ASCC3: variants seen among roughly 807,000 people sequenced by gnomAD.
ASCC3 encodes ASC-1 complex subunit P200.
A neutral mutation model predicts 256.3 loss-of-function variants in ASCC3; 158 were observed. The observed-to-expected ratio is 0.62, with a 90% confidence interval of 0.54 to 0.70. The LOEUF (loss-of-function observed/expected upper bound fraction) is 0.70. Among genes scored for constraint, ASCC3 ranks in the 30% least tolerant of loss-of-function variants. ASCC3 has a pLI of 0.00. For synonymous variants in ASCC3, 948 were observed against 883.4 expected, an observed-to-expected ratio of 1.07 and a Z score of -1.30; for missense variants, 2,259 against 2,626.0, an observed-to-expected ratio of 0.86 and a Z score of 3.05.
chr6:100,606,490 A>C lies in ASCC3; in HGVS notation c.5044+250T>G, dbSNP rs1163993860. On this transcript the variant is annotated intron_variant, in intron 32 of 41. Transcript: ENST00000369162. ...TTTATAAATTTGAAACCAACTTTGG[A>C]TGGCTTAATAACAAGTACTTTAAGC... is the stretch of plus-strand genomic sequence containing the variant. 2.6e-5 allele frequency among the ~76,000 whole-genome samples: 4 copies of C among 152,240 alleles called. No individual in the cohort carries two copies. In the East Asian group the frequency reaches 7.7e-4, roughly 29 times the overall value.
At chr6:100,842,137 A>T (rs918388936) in intron 4 of ASCC3, among the ~76,000 whole-genome samples, 1 of 152,228 alleles carries the variant, frequency 6.6e-6, no homozygotes, top group African/African-American at 2.4e-5. Context: ...CTGATATGAT[A>T]TCATAGCTCA....
rs572833188 is a variant in ASCC3 at position 100,852,750 on chromosome 6, T to G, written c.242-4043A>C. On this transcript the variant is annotated intron_variant, in intron 3 of 41. Transcript: ENST00000369162. Reference sequence around the variant, plus strand: ...CTCCAAACTTTTAAAGAAGGTACTCTAGAAACCTACATACTTGGGTATCTA... The same window carrying G: ...CTCCAAACTTTTAAAGAAGGTACTCGAGAAACCTACATACTTGGGTATCTA... Among the ~76,000 whole-genome samples, 5 of 152,310 alleles carry G rather than the reference T, an allele frequency of 3.3e-5. No homozygotes were observed. The South Asian group carries it at 8.3e-4, about 25-fold the overall frequency.
In ASCC3 at chr6:100,509,983, C is replaced by T. The variant is rs775472686; in HGVS notation, c.6410G>A (p.Arg2137Gln). ...AGAAAGGGAAGCAACATGATGATTT[C>T]GAATATATCCTACTCTTTTCAAAGC... ...LIALKRVGYIRNHHVASLSFY... is the reference protein window; with the variant it reads ...LIALKRVGYIQNHHVASLSFY... The change falls in exon 41 of 42, where the codon CGA becomes CAA. Residue 2137 changes from arginine (R) to glutamine (Q), a missense_variant. Arg to Gln is a conservative substitution (Grantham distance 43, BLOSUM62 1). Transcript: ENST00000369162. 7 of 1,613,840 alleles carry T rather than the reference C, an allele frequency of 4.3e-6. No homozygotes were observed. Among genetic ancestry groups the T allele is most frequent in the East Asian group, 4.5e-5 (2 of 44,884 alleles).
chr6:100,775,650 T>C (rs889425944), intron 8 of ASCC3, among the ~76,000 whole-genome samples: 5 of 152,096 alleles, frequency 3.3e-5, no homozygotes, highest in African/African-American at 1.2e-4. Context: ...ACATGCTGAA[T>C]AGAAACAGCA....
intron 4 of ASCC3, among the ~76,000 whole-genome samples, chr6:100,821,248 T>G (rs1471607096): frequency 6.6e-6 from 1 of 152,144 alleles, no homozygotes; most frequent in African/African-American, 2.4e-5. Context: ...ACTCCTGGCC[T>G]CAAGCAACCC....
rs114501589 is a variant in ASCC3, at chr6:100,624,908, A to T, written c.4785+284T>A. On this transcript the variant is annotated intron_variant, in intron 30 of 41. Transcript: ENST00000369162. Reference sequence around the variant, plus strand: ...ACCCAAATTTTGCAAAATTGATTTTAACTTCAGTAAGGGCAGTGAATACTT... The same window carrying T: ...ACCCAAATTTTGCAAAATTGATTTTTACTTCAGTAAGGGCAGTGAATACTT... Among the ~76,000 whole-genome samples, 658 of 152,096 alleles carry T rather than the reference A, an allele frequency of 4.3e-3. 7 individuals are homozygous for T. Among genetic ancestry groups the T allele is most frequent in the African/African-American group, 0.015 (626 of 41,558 alleles).
chr6:100,682,358 A>T (rs80072582), intron 13 of ASCC3, among the ~76,000 whole-genome samples: 2,170 of 152,298 alleles, frequency 0.014, 39 homozygotes, highest in African/African-American at 0.05. Context: ...ATAATCACAA[A>T]ATATTTTTTA....
intron 16 of ASCC3, among the ~76,000 whole-genome samples, chr6:100,656,235 C>G (rs149454561): frequency 6.6e-6 from 1 of 151,492 alleles, no homozygotes; most frequent in African/African-American, 2.4e-5. Flanking sequence ...ATTGTTAATT[C>G]TATTCATTTT....
At position 100,625,054 on chromosome 6, in the gene ASCC3, C is replaced by G. The variant is rs1481484199; in HGVS notation, c.4785+138G>C. ...GGGACTATAGTAGAACAAACTATAACAGAATATTAATAGTGTGGTAAGGTG... is the reference window on the plus strand; with the variant it reads ...GGGACTATAGTAGAACAAACTATAAGAGAATATTAATAGTGTGGTAAGGTG... On this transcript the variant is annotated intron_variant, in intron 30 of 41. Coordinates refer to ENST00000369162, the MANE Select transcript of ASCC3 (RefSeq NM_006828.4). The G allele has an allele frequency of 9.4e-6, 9 of 962,370 alleles. No homozygotes were observed. The Admixed American group carries it at 2.1e-4, about 23-fold the overall frequency. 59.6% of individuals were successfully genotyped at this position (962,370 alleles called of 1,614,324 possible). A position where few individuals can be genotyped will look rare whatever the true frequency, so the allele number is the denominator to read the frequency against.
chr6:100,639,886 G>A (rs917213669), intron 24 of ASCC3, among the ~76,000 whole-genome samples: 2 of 152,052 alleles, frequency 1.3e-5, no homozygotes, highest in East Asian at 1.9e-4. Context: ...AGGCCGAAGC[G>A]GATGGATCAC....
chr6:100,581,696 C>A (rs1363926876), intron 36 of ASCC3, among the ~76,000 whole-genome samples: 3 of 152,030 alleles, frequency 2.0e-5, no homozygotes, highest in Admixed American at 1.3e-4. Context: ...AGGTTTTCTT[C>A]TAGGGTTTTT....
At chr6:100,523,917 T>C (rs1053472983) in intron 37 of ASCC3, among the ~76,000 whole-genome samples, 1 of 152,114 alleles carries the variant, frequency 6.6e-6, no homozygotes, top group Non-Finnish European at 1.5e-5. Context: ...AGTCAGACAG[T>C]GTAGAGAGTA....
At position 100,655,071 on chromosome 6, in the gene ASCC3, A is replaced by T. The variant is rs536035237; in HGVS notation, c.2823+628T>A. On this transcript the variant is annotated intron_variant, in intron 17 of 41. Transcript: ENST00000369162. ...TAGACAACAACTGGATTTTATCTGC[A>T]ATTAGGACACATTTACAATATATGA... 3.9e-5 allele frequency among the ~76,000 whole-genome samples: 6 copies of T among 152,054 alleles called. No homozygotes were observed. In the South Asian group the frequency reaches 1.2e-3, roughly 32 times the overall value.
At chr6:100,803,427 C>T (rs1040476735) in intron 5 of ASCC3, among the ~76,000 whole-genome samples, 11 of 152,116 alleles carry the variant, frequency 7.2e-5, no homozygotes, top group African/African-American at 2.4e-4. Flanking sequence ...TCTCCTGCCA[C>T]CATGTGAAGT....
At chr6:100,614,972 C>A (rs1297812149) in intron 30 of ASCC3, among the ~76,000 whole-genome samples, 1 of 151,912 alleles carries the variant, frequency 6.6e-6, no homozygotes, top group East Asian at 1.9e-4. Flanking sequence ...CTGTTGTTTG[C>A]TCGTTTGATA....
chr6:100,771,172 T>C (rs1221912554), intron 8 of ASCC3, among the ~76,000 whole-genome samples: 1 of 152,132 alleles, frequency 6.6e-6, no homozygotes, highest in Admixed American at 6.6e-5. Flanking sequence ...AAAGGCAATG[T>C]AGATGACAAA....
At chr6:100,850,814 TATTTA>T (rs1772628091) in intron 3 of ASCC3, among the ~76,000 whole-genome samples, 1 of 152,164 alleles carries the variant, frequency 6.6e-6, no homozygotes, top group South Asian at 2.1e-4. Context: ...TATATACATT[TATTTA>T]TTCATTCTAT....
rs997254966 is a variant in ASCC3, at chr6:100,831,614, A to G, written c.801+16534T>C. On this transcript the variant is annotated intron_variant, in intron 4 of 41. Coordinates refer to ENST00000369162, the MANE Select transcript of ASCC3 (RefSeq NM_006828.4). ...TGAAAAAAAAGTTGAACTACCATCA[A>G]AATGATTCCTGGGGCCACAGCTACT... Among the ~76,000 whole-genome samples, 5 of 152,294 alleles carry G rather than the reference A, an allele frequency of 3.3e-5. No homozygotes were observed. The East Asian group carries it at 5.8e-4, about 18-fold the overall frequency.
At chr6:100,606,575 T>A (rs1210026748) in intron 32 of ASCC3, among the ~76,000 whole-genome samples, 165 bp downstream of exon 32, 2 of 152,176 alleles carry the variant, frequency 1.3e-5, no homozygotes, top group Admixed American at 6.6e-5. Context: ...ATATTTTGTA[T>A]AATATTTTAA....
Sources: gnomAD v4.1 joint callset for allele counts (sites outside exome capture counted in the v4.1 genomes callset) on GRCh38, gnomAD v4.1.1 for gene constraint, MANE v1.5 for transcripts, NCBI Gene and HGNC (gene_info 2026-07-23, HGNC 2026-07-21) for gene names.